Variants in RBFOX1 observed in about 807,000 individuals in gnomAD.
RBFOX1 encodes RNA binding protein fox-1 homolog 1.
RBFOX1 carries 8 observed loss-of-function variants against 57.7 expected under a neutral mutation model. The ratio of observed to expected loss-of-function variants is 0.14; its 90% confidence interval spans 0.08 to 0.25. The LOEUF (loss-of-function observed/expected upper bound fraction) is 0.25. Ranked by LOEUF, RBFOX1 falls within the 10% of genes least tolerant of loss-of-function variation. RBFOX1 has a pLI of 1.00. For synonymous variants in RBFOX1, 326 were observed against 222.4 expected (o/e 1.47, Z -4.15); for missense variants, 611 against 548.5 (o/e 1.11, Z -1.14).
intron 4 of RBFOX1, among the ~76,000 whole-genome samples, chr16:7,299,230 G>A (rs117638530): frequency 0.012 from 1,858 of 152,200 alleles, 25 homozygotes; most frequent in Non-Finnish European, 0.016. Context: ...CATTTTATTC[G>A]TTATTTGATT....
intron 3 of RBFOX1, among the ~76,000 whole-genome samples, chr16:6,798,538 C>T (rs553855933): frequency 5.3e-5 from 8 of 152,216 alleles, no homozygotes; most frequent in South Asian, 4.2e-4. Flanking sequence ...CCAGATAACA[C>T]CCCCAATTCT....
chr16:6,146,018 A>C (rs911307063), intron 1 of RBFOX1, among the ~76,000 whole-genome samples: 1 of 152,202 alleles, frequency 6.6e-6, no homozygotes, highest in Non-Finnish European at 1.5e-5. Flanking sequence ...GGAGGTTAAG[A>C]TGATAATCTA....
chr16:5,405,497 A>C (rs530484390), intron 1 of RBFOX1, among the ~76,000 whole-genome samples: 1 of 152,332 alleles, frequency 6.6e-6, no homozygotes, highest in East Asian at 1.9e-4. Flanking sequence ...CTGTGAGTCC[A>C]TTAAACCTTT....
intron 5 of RBFOX1, among the ~76,000 whole-genome samples, chr16:7,525,062 C>T (rs903280259): frequency 6.6e-6 from 1 of 152,170 alleles, no homozygotes; most frequent in African/African-American, 2.4e-5. Context: ...CCTTATATTT[C>T]CTTCCAGAAG....
At chr16:5,814,418 T>C (rs191153572) in intron 3 of RBFOX1, among the ~76,000 whole-genome samples, 2 of 152,330 alleles carry the variant, frequency 1.3e-5, no homozygotes, top group African/African-American at 4.8e-5. Flanking sequence ...CGAAGAATTA[T>C]ACCCCCAGCA....
In RBFOX1 at chr16:7,186,770, C is replaced by T. The variant is rs1255310916; in HGVS notation, c.27+134672C>T. Among the ~76,000 whole-genome samples the T allele has an allele frequency of 2.7e-5, 4 of 150,714 alleles. No homozygotes were observed. In the East Asian group the frequency reaches 7.8e-4, roughly 29 times the overall value. On this transcript the variant is annotated intron_variant, in intron 4 of 15. Coordinates refer to ENST00000550418, the MANE Select transcript of RBFOX1 (RefSeq NM_018723.4). The stretch of plus-strand genomic sequence containing the variant: ...GCAATGACATTATTATAACTAACAG[C>T]ATTAACTTAAATCTATCCTGCCATC...
chr16:5,853,464 G>A (rs960598681), intron 3 of RBFOX1, among the ~76,000 whole-genome samples: 9 of 152,194 alleles, frequency 5.9e-5, no homozygotes, highest in African/African-American at 9.6e-5. Context: ...AGCCTGAGTC[G>A]GACACAGGCC....
chr16:6,782,266 A>G (rs1486356761), intron 3 of RBFOX1, among the ~76,000 whole-genome samples: 1 of 152,044 alleles, frequency 6.6e-6, no homozygotes, highest in Non-Finnish European at 1.5e-5. Flanking sequence ...CGGGCTCCCA[A>G]AGTGTTTTGT....
intron 3 of RBFOX1, among the ~76,000 whole-genome samples, chr16:5,728,796 G>C (rs576812502): frequency 2.0e-5 from 3 of 152,204 alleles, no homozygotes; most frequent in African/African-American, 7.2e-5. Flanking sequence ...ACTGTGTTCT[G>C]CTGGCCCCTT....
At chr16:6,454,548 A>G (rs1243021075) in intron 2 of RBFOX1, among the ~76,000 whole-genome samples, 1 of 152,184 alleles carries the variant, frequency 6.6e-6, no homozygotes, top group Admixed American at 6.5e-5. Flanking sequence ...ACTGAGTGAG[A>G]CACCTTCTCA....
At chr16:6,401,482 C>T (rs1030085066) in intron 2 of RBFOX1, among the ~76,000 whole-genome samples, 2 of 152,112 alleles carry the variant, frequency 1.3e-5, no homozygotes, top group African/African-American at 4.8e-5. Flanking sequence ...ATTTTAAAAC[C>T]TACGCTAATT....
chr16:6,593,673 A>G (rs1234647776), intron 2 of RBFOX1, among the ~76,000 whole-genome samples: 2 of 152,204 alleles, frequency 1.3e-5, no homozygotes, highest in African/African-American at 2.4e-5. Flanking sequence ...GTATGCCAAT[A>G]AAAAGGTGAA....
At chr16:7,608,890 G>A (rs2056872666) in intron 10 of RBFOX1, among the ~76,000 whole-genome samples, 1 of 152,176 alleles carries the variant, frequency 6.6e-6, no homozygotes, top group African/African-American at 2.4e-5. Context: ...AGTATGCTAT[G>A]AGACAAAGAG....
chr16:7,172,328 C>G (rs2080859768), intron 4 of RBFOX1, among the ~76,000 whole-genome samples: 1 of 152,188 alleles, frequency 6.6e-6, no homozygotes, highest in South Asian at 2.1e-4. Context: ...TTTTACTCCT[C>G]AGTACCCTAC....
chr16:7,210,713 C>G (rs1004113310), intron 4 of RBFOX1, among the ~76,000 whole-genome samples: 2 of 152,036 alleles, frequency 1.3e-5, no homozygotes, highest in African/African-American at 4.8e-5. Flanking sequence ...CATTGTTGCT[C>G]CAATTATCAT....
At chr16:6,054,788 T>A (rs2095594672) in intron 1 of RBFOX1, among the ~76,000 whole-genome samples, 1 of 152,080 alleles carries the variant, frequency 6.6e-6, no homozygotes, top group South Asian at 2.1e-4. Context: ...TTTTTATTAT[T>A]ATTATTATTT....
intron 3 of RBFOX1, among the ~76,000 whole-genome samples, chr16:6,773,657 CTA>C (rs1264923100): frequency 1.6e-4 from 5 of 30,568 alleles, no homozygotes; most frequent in Admixed American, 4.3e-4. Flanking sequence ...GGTGTGGGGT[CTA>C]TTTGTGTGTG....
At chr16:6,983,988 C>T (rs558617559) in intron 3 of RBFOX1, among the ~76,000 whole-genome samples, 1 of 152,176 alleles carries the variant, frequency 6.6e-6, no homozygotes, top group Non-Finnish European at 1.5e-5. Flanking sequence ...TGGCTGAACC[C>T]TGTAATTCCA....
intron 4 of RBFOX1, among the ~76,000 whole-genome samples, chr16:7,279,352 G>A (rs1406715917): frequency 6.6e-6 from 1 of 152,152 alleles, no homozygotes; most frequent in East Asian, 1.9e-4. Flanking sequence ...GATATTTTCT[G>A]CTTTTCACCA....
Sources: allele counts gnomAD v4.1 joint callset (sites outside exome capture counted in the v4.1 genomes callset), GRCh38; gene constraint gnomAD v4.1.1; transcripts MANE v1.5; gene names NCBI Gene and HGNC (gene_info 2026-07-23, HGNC 2026-07-21).